Variants in BEND7 observed in about 807,000 individuals in gnomAD.
BEND7 encodes the protein BEN domain-containing protein 7.
Under a neutral mutation model 50.9 loss-of-function variants are expected in BEND7, and 28 were observed. The ratio of observed to expected loss-of-function variants is 0.55; its 90% CI spans 0.41 to 0.75. The LOEUF is 0.75. Among genes scored for constraint, BEND7 ranks in the 30% least tolerant of loss-of-function variants. The pLI is 0.00. For missense variants in BEND7, 477 were observed against 491.3 expected, an observed-to-expected ratio of 0.97 and a Z score of 0.28; for synonymous variants, 170 against 183.9, an observed-to-expected ratio of 0.92 and a Z score of 0.61.
At chr10:13,471,256 T>C (rs1225382534) in intron 6 of BEND7, among the ~76,000 whole-genome samples, 2 of 152,250 alleles carry the variant, frequency 1.3e-5, no homozygotes, top group Non-Finnish European at 2.9e-5. Flanking sequence ...GTAATAAATA[T>C]GTTGTTAGCA....
At chr10:13,512,119 G>A (rs969453897) in intron 2 of BEND7, among the ~76,000 whole-genome samples, 1 of 152,168 alleles carries the variant, frequency 6.6e-6, no homozygotes. Flanking sequence ...GAAGAATGAG[G>A]CTATTTCCTT....
At chr10:13,482,102 T>C (rs2075906797) in intron 5 of BEND7, among the ~76,000 whole-genome samples, 1 of 152,228 alleles carries the variant, frequency 6.6e-6, no homozygotes, top group African/African-American at 2.4e-5. Flanking sequence ...TTCTATTTCT[T>C]ACACTGTATT....
In BEND7 at chr10:13,441,624, G is replaced by A. The variant is rs1427311445; in HGVS notation, c.*119C>T. The A allele has an allele frequency of 7.2e-5, 113 of 1,571,270 alleles. No homozygotes were observed. The highest frequency in any genetic ancestry group is 1.9e-4 in the Admixed American group (10 of 51,616). On this transcript the variant is annotated 3_prime_UTR_variant, in exon 9 of 9. Transcript: ENST00000466271. ...CATACTCATCCTATTTTAACACGGCGAAAGGTCACCAATTAATCTTCTCCC... is the reference window on the plus strand; with the variant it reads ...CATACTCATCCTATTTTAACACGGCAAAAGGTCACCAATTAATCTTCTCCC...
At chr10:13,498,423 G>C (rs1459219039) in intron 3 of BEND7, among the ~76,000 whole-genome samples, 1 of 152,090 alleles carries the variant, frequency 6.6e-6, no homozygotes, top group Non-Finnish European at 1.5e-5. Context: ...ACTGATATGG[G>C]GGAATTTATG....
chr10:13,464,415 G>A (rs1295391579), intron 6 of BEND7, among the ~76,000 whole-genome samples: 1 of 152,200 alleles, frequency 6.6e-6, no homozygotes, highest in Non-Finnish European at 1.5e-5. Context: ...CAAAAGTACC[G>A]TGTGATGCTG....
chr10:13,448,952 G>A (rs921967937), intron 7 of BEND7, among the ~76,000 whole-genome samples: 7 of 138,052 alleles, frequency 5.1e-5, no homozygotes, highest in African/African-American at 8.3e-5. Context: ...CAGCCTGGGC[G>A]ACAGAGCGAG....
At chr10:13,439,329 G>GT (rs771608330), downstream of BEND7, 1 of 1,614,168 alleles carries the variant, frequency 6.2e-7, no homozygotes, top group East Asian at 2.2e-5. Context: ...CAAAGCTCCT[G>GT]TTTCAGCTCT....
At chr10:13,512,025 G>C (rs2078309680) in intron 2 of BEND7, among the ~76,000 whole-genome samples, 2 of 152,180 alleles carry the variant, frequency 1.3e-5, no homozygotes, top group African/African-American at 4.8e-5. Context: ...ACCTAGGAAT[G>C]TTAGCACACA....
At chr10:13,480,043 G>A (rs1460740633) in intron 6 of BEND7, among the ~76,000 whole-genome samples, 1 of 152,094 alleles carries the variant, frequency 6.6e-6, no homozygotes, top group Admixed American at 6.5e-5. Context: ...ACCCCTATCC[G>A]TTATTCCAGT....
chr10:13,453,204 C>T (rs968549507), intron 6 of BEND7, among the ~76,000 whole-genome samples: 5 of 152,220 alleles, frequency 3.3e-5, no homozygotes, highest in Admixed American at 6.5e-5. Context: ...AAGAACTGCC[C>T]GATTCAGCAC....
At chr10:13,490,237 G>T (rs908198670) in intron 5 of BEND7, among the ~76,000 whole-genome samples, 2 of 152,206 alleles carry the variant, frequency 1.3e-5, no homozygotes, top group Non-Finnish European at 2.9e-5. Context: ...TTACAAAAGC[G>T]ATAAAGCATG....
chr10:13,467,260 G>A (rs1271087224), intron 6 of BEND7, among the ~76,000 whole-genome samples: 1 of 152,208 alleles, frequency 6.6e-6, no homozygotes, highest in Non-Finnish European at 1.5e-5. Flanking sequence ...AAGTTGCTAG[G>A]ACAAAGGCTA....
chr10:13,505,113 A>G (rs148825082), intron 2 of BEND7, among the ~76,000 whole-genome samples: 12 of 152,388 alleles, frequency 7.9e-5, no homozygotes, highest in East Asian at 1.9e-4. Context: ...CTTGGCATCC[A>G]TTTTAAATAT....
At chr10:13,497,945 G>C (rs1046667516) in intron 3 of BEND7, among the ~76,000 whole-genome samples, 8 of 152,154 alleles carry the variant, frequency 5.3e-5, no homozygotes, top group African/African-American at 1.9e-4. Flanking sequence ...ATAACTTAGT[G>C]ATTGTAGTGG....
Position 13,489,427 on chromosome 10 carries a change from T to C in BEND7, c.837+3184A>G, listed in dbSNP as rs1000281178. Reference sequence around the variant, plus strand: ...GGGCACCCGCAAGTCCTTTGCGCAGTGGACAAGGGCAGATGACAGACCTGG... The same window carrying C: ...GGGCACCCGCAAGTCCTTTGCGCAGCGGACAAGGGCAGATGACAGACCTGG... On this transcript the variant is annotated intron_variant, in intron 5 of 8. Coordinates refer to ENST00000466271, the MANE Select transcript of BEND7 (RefSeq NM_001369863.1). Among the ~76,000 whole-genome samples, 25 of 152,114 alleles carry C rather than the reference T, an allele frequency of 1.6e-4. 1 individual carries two copies. Among genetic ancestry groups the C allele is most frequent in the Admixed American group, 1.6e-3 (25 of 15,280 alleles).
At chr10:13,527,752 TAAAG>T (rs1043471221) in intron 1 of BEND7, 1 of 774,002 alleles carries the variant, frequency 1.3e-6, no homozygotes, top group African/African-American at 1.9e-5. Context: ...ATCAGGAAGA[TAAAG>T]ACTCTTAACA....
chr10:13,472,874 C>A (rs2075025176), intron 6 of BEND7, among the ~76,000 whole-genome samples: 1 of 151,592 alleles, frequency 6.6e-6, no homozygotes, highest in African/African-American at 2.4e-5. Flanking sequence ...CGATACCCAT[C>A]ATCACTCTTA....
chr10:13,451,190 C>CTT (rs34416134), intron 7 of BEND7, among the ~76,000 whole-genome samples: 7 of 142,436 alleles, frequency 4.9e-5, no homozygotes, highest in South Asian at 2.3e-4. Context: ...ATTTCTCCAC[C>CTT]TTTTTTTTTT....
chr10:13,442,800 T>TA (rs1835529608), intron 8 of BEND7: 2 of 152,236 alleles, frequency 1.3e-5, no homozygotes, highest in African/African-American at 4.8e-5. Context: ...TCATTTGCAC[T>TA]TACTCAGTTA....
Sources: gnomAD v4.1 joint callset for allele counts (sites outside exome capture counted in the v4.1 genomes callset) on GRCh38, gnomAD v4.1.1 for gene constraint, MANE v1.5 for transcripts, NCBI Gene and HGNC (gene_info 2026-07-23, HGNC 2026-07-21) for gene names.